SAFB: variants seen among roughly 807,000 people sequenced by gnomAD.
SAFB encodes scaffold attachment factor B1.
In SAFB, 15 loss-of-function variants were observed where a neutral mutation model predicts 101.6. The observed-to-expected ratio is 0.15, with a 90% CI of 0.10 to 0.23. The LOEUF (loss-of-function observed/expected upper bound fraction) is 0.23, where lower values mean the gene tolerates loss of function less well. Ranked by LOEUF, SAFB falls within the 10% of genes least tolerant of loss-of-function variation. The pLI, the probability that SAFB is intolerant of heterozygous loss-of-function variation, is 1.00. For synonymous variants in SAFB, 449 were observed against 407.5 expected, an observed-to-expected ratio of 1.10 and a Z score of -1.23; for missense variants, 930 against 1,104.1, an observed-to-expected ratio of 0.84 and a Z score of 2.23.
At chr19:5,636,744 C>T (rs1402669116) in intron 2 of SAFB, among the ~76,000 whole-genome samples, 1 of 151,882 alleles carries the variant, frequency 6.6e-6, no homozygotes, top group African/African-American at 2.4e-5. Context: ...GGGTCTGACT[C>T]TGTCACCCAG....
intron 2 of SAFB, among the ~76,000 whole-genome samples, chr19:5,630,360 A>G (rs374686897): frequency 4.6e-5 from 7 of 152,224 alleles, no homozygotes; most frequent in South Asian, 2.1e-4. Flanking sequence ...AAATGTTTCT[A>G]TTGTTTTAAT....
chr19:5,657,954 T>G (rs981868855), intron 14 of SAFB, among the ~76,000 whole-genome samples: 1 of 152,132 alleles, frequency 6.6e-6, no homozygotes, highest in Non-Finnish European at 1.5e-5. Context: ...CCAGAAGATG[T>G]GAAAGCAGGA....
intron 7 of SAFB, 107 bp downstream of exon 7, chr19:5,649,606 ATTGTAGT>A (rs2053892287): frequency 1.9e-6 from 1 of 537,408 alleles, no homozygotes; most frequent in Non-Finnish European, 3.3e-6. Flanking sequence ...GACTGACGAA[ATTGTAGT>A]TTTGCTTCTA....
At chr19:5,641,252 A>G (rs2053706627) in intron 2 of SAFB, among the ~76,000 whole-genome samples, 1 of 152,222 alleles carries the variant, frequency 6.6e-6, no homozygotes, top group South Asian at 2.1e-4. Flanking sequence ...CTTAACTAAA[A>G]GGCAGCACAT....
chr19:5,657,354 A>G lies in SAFB; in HGVS notation c.1862+7A>G. 6.4e-7 allele frequency: 1 copy of G among 1,568,190 alleles called. No homozygotes were observed. Among genetic ancestry groups the G allele is most frequent in the African/African-American group, 1.3e-5 (1 of 74,108 alleles). ...GAGACTCAGAGTCCCATAGGTGAGT[A>G]GGGATCCAGGAACGGTTTGGTGTTT... On this transcript the variant is annotated splice_region_variant and intron_variant, in intron 14 of 20. Coordinates refer to ENST00000588852, the MANE Select transcript of SAFB (RefSeq NM_001201338.2).
chr19:5,659,995 C>A (rs1370314951), intron 14 of SAFB, among the ~76,000 whole-genome samples: 2 of 152,202 alleles, frequency 1.3e-5, no homozygotes, highest in Non-Finnish European at 2.9e-5. Context: ...GTGCTGAGAT[C>A]CACAGAGGCA....
Position 5,626,424 on chromosome 19 carries a change from G to A in SAFB, c.209G>A (p.Gly70Asp). The part of the protein sequence containing the change: ...RLKKAIEDEG[G>D]NPDEIEITSE... The stretch of plus-strand genomic sequence containing the variant: ...TTTTAGGCAATTGAAGATGAAGGTG[G>A]TAATCCTGACGAAATTGAAATTACC... The change falls in exon 2 of 21, where the codon GGT becomes GAT. Residue 70 changes from glycine to aspartate, a missense_variant. Gly to Asp is a moderately conservative substitution (Grantham distance 94, BLOSUM62 -1). Around this residue, in one of 7 missense-constraint regions of SAFB, gnomAD observed 119 missense variants for 171.4 expected, o/e 0.69. Coordinates refer to ENST00000588852, the MANE Select transcript of SAFB (RefSeq NM_001201338.2). 1 of 1,607,804 alleles carries A rather than the reference G, an allele frequency of 6.2e-7. No homozygotes were observed. Among genetic ancestry groups the A allele is most frequent in the Non-Finnish European group, 8.5e-7 (1 of 1,174,260 alleles).
At chr19:5,646,536 G>C (rs1374222872) in intron 5 of SAFB, among the ~76,000 whole-genome samples, 1 of 152,200 alleles carries the variant, frequency 6.6e-6, no homozygotes, top group Non-Finnish European at 1.5e-5. Context: ...CTTCTCTTTA[G>C]AGAAAATGAG....
In SAFB at chr19:5,667,458, G is replaced by C. The variant is rs2054358342; in HGVS notation, c.2557+8G>C. ...ATCACAAGAGGTGGCAAGGTGAGGA[G>C]CAGCTCTGGGCTGGGACCAGGATGT... On this transcript the variant is annotated splice_region_variant and intron_variant, in intron 19 of 20. Coordinates refer to ENST00000588852, the MANE Select transcript of SAFB (RefSeq NM_001201338.2). The surrounding 1 kb of genome is among the most constrained non-coding windows in gnomAD (Gnocchi z 4.0). 6.6e-7 allele frequency: 1 copy of C among 1,504,006 alleles called. No individual in the cohort carries two copies. Among genetic ancestry groups the C allele is most frequent in the African/African-American group, 1.4e-5 (1 of 70,328 alleles). 93.2% of individuals were successfully genotyped at this position (1,504,006 alleles called of 1,614,324 possible). A position where few individuals can be genotyped will look rare whatever the true frequency, so the allele number is the denominator to read the frequency against.
At chr19:5,636,663 A>G (rs1205331415) in intron 2 of SAFB, among the ~76,000 whole-genome samples, 1 of 152,054 alleles carries the variant, frequency 6.6e-6, no homozygotes, top group African/African-American at 2.4e-5. Context: ...AGGATGTTAC[A>G]TATTTATCCA....
chr19:5,625,450 C>T (rs534041744), intron 1 of SAFB, among the ~76,000 whole-genome samples: 1 of 152,308 alleles, frequency 6.6e-6, no homozygotes, highest in Non-Finnish European at 1.5e-5. Context: ...GTGGAACCCC[C>T]AGGCCCTATC....
chr19:5,645,358 A>G lies in SAFB; in HGVS notation c.568A>G (p.Asn190Asp). Residue 190 changes from asparagine to aspartate, a missense_variant, in exon 5 of 21, where the codon AAC (asparagine) becomes GAC (aspartate). By Grantham distance (23) the Asn-to-Asp change is conservative. Transcript: ENST00000588852. ...ACAGATAGAGGACAAAGAAACTATA[A>G]ACAATTTAGATACTTCATCATCTGA... ...EHAIEDKETI[N>D]NLDTSSSDFT... 3 of 1,347,818 alleles carry G rather than the reference A, an allele frequency of 2.2e-6. No homozygotes were observed. The highest frequency in any genetic ancestry group is 3.2e-6 in the Non-Finnish European group (3 of 938,620). 83.5% of individuals were successfully genotyped at this position (1,347,818 alleles called of 1,614,324 possible). A position where few individuals can be genotyped will look rare whatever the true frequency, so the allele number is the denominator to read the frequency against.
intron 2 of SAFB, among the ~76,000 whole-genome samples, chr19:5,631,863 T>C (rs1358594867): frequency 6.6e-6 from 1 of 151,906 alleles, no homozygotes; most frequent in East Asian, 1.9e-4. Flanking sequence ...CTGGGTGACA[T>C]AGTGAGACCC....
intron 2 of SAFB, among the ~76,000 whole-genome samples, chr19:5,631,374 TTTG>T (rs1422999855): frequency 6.6e-6 from 1 of 152,192 alleles, no homozygotes; most frequent in Non-Finnish European, 1.5e-5. Flanking sequence ...TTGTGTCTCA[TTTG>T]TTGTTTTGTT....
chr19:5,665,712 C>T (rs572151732), intron 17 of SAFB: 1 of 152,194 alleles, frequency 6.6e-6, no homozygotes, highest in African/African-American at 2.4e-5. Context: ...CTCACATACA[C>T]AGTCATAAAT....
chr19:5,632,372 G>A (rs764397331), intron 2 of SAFB, among the ~76,000 whole-genome samples: 1 of 152,062 alleles, frequency 6.6e-6, no homozygotes, highest in South Asian at 2.1e-4. Flanking sequence ...TTACTAGACC[G>A]CATGGTAAGT....
intron 1 of SAFB, chr19:5,623,837 C>G (rs1292294054): frequency 6.2e-6 from 1 of 162,404 alleles, no homozygotes; most frequent in Admixed American, 6.5e-5. Context: ...TGCTTGGTTT[C>G]CCCAGGGAAG....
intron 5 of SAFB, among the ~76,000 whole-genome samples, chr19:5,647,695 A>T (rs1470330582): frequency 2.0e-5 from 3 of 152,244 alleles, no homozygotes; most frequent in Non-Finnish European, 4.4e-5. Flanking sequence ...AGATGCTAAC[A>T]GTAGAAAAAT....
At chr19:5,653,001 A>G in intron 9 of SAFB, 114 bp from the exon 10 acceptor site, 4 of 1,002,294 alleles carry the variant, frequency 4.0e-6, no homozygotes, top group East Asian at 2.4e-5. Flanking sequence ...TGTCCTCCCC[A>G]GTCTAACACT....
Sources: allele counts gnomAD v4.1 joint callset (sites outside exome capture counted in the v4.1 genomes callset), GRCh38; gene constraint gnomAD v4.1.1; regional missense constraint gnomAD v4.1.1; non-coding constraint Gnocchi (gnomAD v3.1); transcripts MANE v1.5; gene names NCBI Gene and HGNC (gene_info 2026-07-23, HGNC 2026-07-21).